TRPC4AP: variants seen among roughly 807,000 people sequenced by gnomAD.
TRPC4AP encodes transient receptor potential cation channel subfamily C member 4 associated protein.
Under a neutral mutation model 99.0 loss-of-function variants are expected in TRPC4AP, and 45 were observed. The observed-to-expected ratio is 0.45, with a 90% CI of 0.36 to 0.58. TRPC4AP has a LOEUF of 0.58. Among genes scored for constraint, TRPC4AP ranks in the 20% least tolerant of loss-of-function variants. The pLI is 0.00. For synonymous variants in TRPC4AP, 408 were observed against 385.8 expected (o/e 1.06, Z -0.67); for missense variants, 879 against 985.3 (o/e 0.89, Z 1.44).
chr20:35,017,703 C>T (rs985168754), intron 9 of TRPC4AP, among the ~76,000 whole-genome samples: 5 of 152,178 alleles, frequency 3.3e-5, no homozygotes, highest in Non-Finnish European at 7.3e-5. Context: ...ATGCATTTAT[C>T]TTGGGAGACC....
chr20:35,051,816 C>T (rs556454384), intron 5 of TRPC4AP, among the ~76,000 whole-genome samples: 1 of 152,110 alleles, frequency 6.6e-6, no homozygotes, highest in South Asian at 2.1e-4. Context: ...ATACACAACC[C>T]TGCTGCTCTA....
chr20:35,030,841 C>T (rs2083173766), intron 8 of TRPC4AP, among the ~76,000 whole-genome samples: 1 of 152,038 alleles, frequency 6.6e-6, no homozygotes, highest in Non-Finnish European at 1.5e-5. Flanking sequence ...CTTACAATTA[C>T]AGAATTACCT....
At chr20:35,078,413 CATT>C (rs889760316) in intron 1 of TRPC4AP, among the ~76,000 whole-genome samples, 1 of 152,162 alleles carries the variant, frequency 6.6e-6, no homozygotes, top group Non-Finnish European at 1.5e-5. Context: ...AGCACAATAT[CATT>C]GAGAGTGGAC....
intron 1 of TRPC4AP, among the ~76,000 whole-genome samples, chr20:35,088,531 C>T (rs552245473): frequency 6.6e-6 from 1 of 152,366 alleles, no homozygotes; most frequent in African/African-American, 2.4e-5. Context: ...TAATTAACTA[C>T]TAGCTGAGAG....
At chr20:35,078,248 C>T in intron 1 of TRPC4AP, 74 bp from the exon 2 acceptor site, 1 of 1,523,640 alleles carries the variant, frequency 6.6e-7, no homozygotes, top group South Asian at 1.2e-5. Context: ...AGGAGAGCAG[C>T]CGACTTCCAA....
intron 13 of TRPC4AP, 91 bp downstream of exon 13, chr20:35,008,572 CG>C: frequency 3.7e-6 from 4 of 1,088,820 alleles, no homozygotes; most frequent in Non-Finnish European, 4.1e-6. Context: ...GAGGCATGGA[CG>C]CTGGTGACTA....
intron 3 of TRPC4AP, among the ~76,000 whole-genome samples, chr20:35,067,284 A>C (rs2084168951): frequency 6.6e-6 from 1 of 152,232 alleles, no homozygotes; most frequent in African/African-American, 2.4e-5. Context: ...CGGGAGTTTG[A>C]GACCAGTCTG....
At chr20:35,055,730 T>C (rs1158402344) in intron 4 of TRPC4AP, among the ~76,000 whole-genome samples, 1 of 152,266 alleles carries the variant, frequency 6.6e-6, no homozygotes, top group Non-Finnish European at 1.5e-5. Flanking sequence ...TTGAAAGTTC[T>C]ACTGCAGCAA....
chr20:35,079,880 AG>A (rs1349454268), intron 1 of TRPC4AP, among the ~76,000 whole-genome samples: 2 of 151,712 alleles, frequency 1.3e-5, no homozygotes, highest in African/African-American at 4.8e-5. Flanking sequence ...AAATAAGCCA[AG>A]GGTGGTGGTG....
rs200707079 is a variant in TRPC4AP at position 35,003,473 on chromosome 20, G to C, written c.2193C>G (p.Asn731Lys). ...YPGFLLNNFH[N>K]LLRFWQQHYL... ...AGTGCTGCTGCCAGAAGCGCAGCAG[G>C]TTGTGGAAGTTGTTGAGCAGGAAGC... The change falls in exon 18 of 19, where the codon AAC (asparagine) becomes AAG (lysine). Residue 731 changes from asparagine (N) to lysine (K), a missense_variant. Physicochemically the swap from Asn to Lys is moderately conservative, Grantham distance 94. Around this residue, in one of 3 missense-constraint regions of TRPC4AP, gnomAD observed 224 missense variants for 264.7 expected, o/e 0.85. Coordinates refer to ENST00000252015, the MANE Select transcript of TRPC4AP (RefSeq NM_015638.3). 1.9e-6 allele frequency: 3 copies of C among 1,614,004 alleles called. No homozygotes were observed. The highest frequency in any genetic ancestry group is 1.3e-5 in the African/African-American group (1 of 74,946).
chr20:35,066,812 AAC>A (rs1458801660), intron 3 of TRPC4AP, among the ~76,000 whole-genome samples: 1 of 152,198 alleles, frequency 6.6e-6, no homozygotes, highest in Non-Finnish European at 1.5e-5. Context: ...ATAGTAAAAA[AAC>A]ACAAATGACA....
chr20:35,091,369 G>A (rs896388334), intron 1 of TRPC4AP, among the ~76,000 whole-genome samples: 1 of 152,028 alleles, frequency 6.6e-6, no homozygotes, highest in African/African-American at 2.4e-5. Flanking sequence ...TGCTCCTTTC[G>A]TCCACAGTCC....
intron 3 of TRPC4AP, among the ~76,000 whole-genome samples, chr20:35,067,070 A>G (rs1490028230): frequency 6.6e-6 from 1 of 152,274 alleles, no homozygotes; most frequent in Non-Finnish European, 1.5e-5. Context: ...GGAGAGACAG[A>G]CATTTCTCCA....
At position 35,006,549 on chromosome 20, in the gene TRPC4AP, G is replaced by A. The variant is rs748741981; in HGVS notation, c.1713C>T (p.Ser571=). ...LEHILYCIVD[S]ECKSRDVLQS... is the part of the protein sequence containing the mutation. ...GGAGCACATCCCTTGACTTACACTC[G>A]CTGTCCACAATGCAGTAAAGGATGT... The change falls in exon 15 of 19, where the codon AGC becomes AGT. Residue 571 remains serine, a synonymous_variant. Transcript: ENST00000252015. 7 of 1,614,028 alleles carry A rather than the reference G, an allele frequency of 4.3e-6. No homozygotes were observed. Among genetic ancestry groups the A allele is most frequent in the East Asian group, 4.5e-5 (2 of 44,900 alleles).
intron 2 of TRPC4AP, among the ~76,000 whole-genome samples, chr20:35,073,640 T>TA (rs1302239958): frequency 6.6e-6 from 1 of 152,226 alleles, no homozygotes; most frequent in Non-Finnish European, 1.5e-5. Context: ...TCGTGGTGAA[T>TA]AAGCTTTTTG....
At chr20:35,059,739 C>A (rs1056712482) in intron 3 of TRPC4AP, among the ~76,000 whole-genome samples, 5 of 149,756 alleles carry the variant, frequency 3.3e-5, no homozygotes, top group Non-Finnish European at 5.9e-5. Flanking sequence ...AAGAAGACTA[C>A]GACGAAGAAG....
chr20:35,091,820 C>A (rs972640914), intron 1 of TRPC4AP, among the ~76,000 whole-genome samples: 1 of 152,122 alleles, frequency 6.6e-6, no homozygotes, highest in South Asian at 2.1e-4. Flanking sequence ...CACAATTGCC[C>A]CCTTTGATCT....
chr20:35,059,212 A>G (rs1188904017), intron 3 of TRPC4AP, among the ~76,000 whole-genome samples: 2 of 152,332 alleles, frequency 1.3e-5, no homozygotes, highest in East Asian at 3.9e-4. Flanking sequence ...ACAGATTACT[A>G]TACTCAGAAA....
chr20:35,012,749 A>T (rs1449664391), intron 11 of TRPC4AP, among the ~76,000 whole-genome samples: 1 of 152,182 alleles, frequency 6.6e-6, no homozygotes, highest in East Asian at 1.9e-4. Flanking sequence ...AAAGGTAGTA[A>T]GGGGCCAACG....
Sources: allele counts gnomAD v4.1 joint callset (sites outside exome capture counted in the v4.1 genomes callset), GRCh38; gene constraint gnomAD v4.1.1; regional missense constraint gnomAD v4.1.1; transcripts MANE v1.5; gene names NCBI Gene and HGNC (gene_info 2026-07-23, HGNC 2026-07-21).